Variants in MYO1C observed in about 807,000 individuals in gnomAD.
MYO1C encodes the protein unconventional myosin-Ic.
MYO1C carries 104 observed loss-of-function variants against 150.8 expected under a neutral mutation model. The observed-to-expected ratio is 0.69, with a 90% CI of 0.59 to 0.81. MYO1C has a LOEUF of 0.81. Ranked by LOEUF, MYO1C falls within the 30% of genes least tolerant of loss-of-function variation. MYO1C has a pLI of 0.00. For missense variants in MYO1C, 1,504 were observed against 1,435.0 expected (o/e 1.05, Z -0.78); for synonymous variants, 663 against 579.9 (o/e 1.14, Z -2.06).
chr17:1,477,195 T>TTTA, intron 14 of MYO1C: 12 of 260,600 alleles, frequency 4.6e-5, no homozygotes, highest in South Asian at 1.3e-4. Context: ...TTTTTTTTTT[T>TTTA]GAGACGGAGT....
chr17:1,485,131 C>T, intron 1 of MYO1C: 2 of 1,209,914 alleles, frequency 1.7e-6, no homozygotes, highest in Non-Finnish European at 2.1e-6. Flanking sequence ...CCATGGAAAG[C>T]CCAGCTGCCT....
Position 1,483,677 on chromosome 17 carries a change from G to C in MYO1C, c.280C>G (p.Gln94Glu). 6.2e-7 allele frequency: 1 copy of C among 1,613,242 alleles called. No homozygotes were observed. The highest frequency in any genetic ancestry group is 8.5e-7 in the Non-Finnish European group (1 of 1,179,754). Residue 94 changes from glutamine to glutamate, a missense_variant, in exon 3 of 32, where the codon CAG (glutamine) becomes GAG (glutamate). Gln to Glu is a conservative substitution (Grantham distance 29). Transcript: ENST00000648651. The stretch of plus-strand genomic sequence containing the variant: ...TCCATATGCTGCCGGCTGTAGATCT[G>C]CAGGTCCCGGTAGGGATTGACAGAG... ...LVSVNPYRDL[Q>E]IYSRQHMERY...
rs1225629959 is a variant in MYO1C, at chr17:1,479,385, T to G, written c.1092+46A>C. 1 of 889,320 alleles carries G rather than the reference T, an allele frequency of 1.1e-6. No homozygotes were observed. Among genetic ancestry groups the G allele is most frequent in the African/African-American group, 1.6e-5 (1 of 61,146 alleles). 55.1% of individuals were successfully genotyped at this position (889,320 alleles called of 1,614,324 possible). On this transcript the variant is annotated intron_variant, in intron 9 of 31. Transcript: ENST00000648651. This position sits in a 1 kb window ranked among gnomAD's most constrained non-coding sequence, Gnocchi z 4.2. ...GGAGTGATGGGAGTAGGGGCTGCCT[T>G]GGAACAGCTGCCCCTCCACACCCGA...
Position 1,478,241 on chromosome 17 carries a change from C to A in MYO1C, c.1296-49G>T. The A allele has an allele frequency of 6.3e-7, 1 of 1,588,578 alleles. No homozygotes were observed. Among genetic ancestry groups the A allele is most frequent in the Non-Finnish European group, 8.6e-7 (1 of 1,158,176 alleles). On this transcript the variant is annotated intron_variant, in intron 11 of 31. Transcript: ENST00000648651. This position sits in a 1 kb window ranked among gnomAD's most constrained non-coding sequence, Gnocchi z 6.3. ...CAGTGGCTCAGTGGGGACACAGGAC[C>A]AGGAGAGGGGAAAAGCTGGACGACG... is the stretch of plus-strand genomic sequence containing the variant.
intron 3 of MYO1C, 109 bp from the exon 4 acceptor site, chr17:1,483,168 C>T: frequency 8.9e-7 from 1 of 1,125,222 alleles, no homozygotes; most frequent in Non-Finnish European, 1.3e-6. Flanking sequence ...CGAATACACC[C>T]TTGAGGATGG....
At chr17:1,470,758 G>T (rs756244882) in intron 21 of MYO1C, 69 bp from the exon 22 acceptor site, 3 of 1,484,442 alleles carry the variant, frequency 2.0e-6, no homozygotes, top group South Asian at 1.2e-5. Flanking sequence ...TGCCGTGTGC[G>T]CTCCACGAGT....
Position 1,484,362 on chromosome 17 carries a change from T to A in MYO1C, c.76-59A>T, listed in dbSNP as rs2074606270. The stretch of plus-strand genomic sequence containing the variant: ...TCATCGGGGGCGGGGCAAGGCCACT[T>A]CCCTGCGCCTGTGGGACTGAGAGGG... On this transcript the variant is annotated intron_variant, in intron 1 of 31. Transcript: ENST00000648651. The A allele has an allele frequency of 3.5e-5, 55 of 1,586,802 alleles. 2 individuals are homozygous for A. In the South Asian group the frequency reaches 6.0e-4, roughly 17 times the overall value.
In MYO1C at chr17:1,480,777, C is replaced by A. The variant is rs764604910; in HGVS notation, c.736G>T (p.Gly246Trp). 3.1e-6 allele frequency: 5 copies of A among 1,614,188 alleles called. No individual in the cohort carries two copies. The highest frequency in any genetic ancestry group is 1.1e-5 in the South Asian group (1 of 91,086). ...NFHIFYQLLE[G>W]GEEETLRRLG... is the part of the protein sequence containing the mutation. ...CTGCGAAGAGTCTCCTCCTCGCCCC[C>A]CTCCAGCAGCTGGTAGAAGATGTGG... Residue 246 changes from glycine (G) to tryptophan (W), a missense_variant, in exon 6 of 32, where the codon GGG (glycine) becomes TGG (tryptophan). Gly to Trp is a radical substitution (Grantham distance 184). Transcript: ENST00000648651.
At chr17:1,471,394 C>T in intron 19 of MYO1C, 58 bp from the exon 20 acceptor site, 6 of 1,478,014 alleles carry the variant, frequency 4.1e-6, no homozygotes, top group Non-Finnish European at 4.7e-6. Context: ...CTGGGGACCC[C>T]AATCAGCTTT....
chr17:1,472,402 C>T, intron 17 of MYO1C, 174 bp from the exon 18 acceptor site: 1 of 620,120 alleles, frequency 1.6e-6, no homozygotes, highest in Non-Finnish European at 2.8e-6. Flanking sequence ...CAGACTCCAC[C>T]CCTTACCCCT....
intron 1 of MYO1C, chr17:1,485,381 G>A: frequency 5.5e-6 from 1 of 181,066 alleles, no homozygotes; most frequent in Non-Finnish European, 8.3e-6. Flanking sequence ...CCCCTCCCAG[G>A]CTTGTCCTCA....
intron 4 of MYO1C, 102 bp downstream of exon 4, chr17:1,482,758 TC>T: frequency 2.0e-5 from 1 of 49,972 alleles, no homozygotes; most frequent in South Asian, 1.4e-4. Context: ...TCCCCTCCCC[TC>T]CCACACTAGC....
intron 1 of MYO1C, among the ~76,000 whole-genome samples, 178 bp downstream of exon 1, chr17:1,492,235 T>A (rs923763184): frequency 2.6e-5 from 4 of 152,208 alleles, no homozygotes; most frequent in Admixed American, 1.3e-4. Flanking sequence ...CTGCTGCTAG[T>A]GGCCCTTGCA....
intron 25 of MYO1C, 178 bp downstream of exon 25, chr17:1,469,353 G>GGTAGACTGGGGTAAATAGA: frequency 3.1e-6 from 2 of 652,316 alleles, no homozygotes; most frequent in Non-Finnish European, 5.6e-6. Context: ...GGGTAAATAC[G>GGTAGACTGGGGTAAATAGA]GTAGACTGGG....
At position 1,471,939 on chromosome 17, in the gene MYO1C, G is replaced by A. The variant is rs150850233; in HGVS notation, c.1989C>T (p.Ala663=). The A allele has an allele frequency of 1.1e-4, 185 of 1,614,162 alleles. 1 individual carries two copies. The highest frequency in any genetic ancestry group is 1.5e-4 in the Non-Finnish European group (181 of 1,180,034). The part of the protein sequence containing the change: ...ENLRVRRAGF[A]YRRKYEAFLQ... ...GGAAAGCTTCGTATTTGCGGCGATA[G>A]GCAAAGCCGGCTCTGCGCACGCGCA... The change falls in exon 19 of 32, where the codon GCC becomes GCT. Residue 663 remains alanine (A), a synonymous_variant. Coordinates refer to ENST00000648651, the MANE Select transcript of MYO1C (RefSeq NM_001080779.2).
chr17:1,470,941 C>T lies in MYO1C; in HGVS notation c.2212+130G>A, dbSNP rs530022871. ...CCATTGGACTCTCTGGAGAAGGACT[C>T]CCTGGAGCTGGGCGTGGGGCTGGAG... On this transcript the variant is annotated intron_variant, in intron 21 of 31. Coordinates refer to ENST00000648651, the MANE Select transcript of MYO1C (RefSeq NM_001080779.2). 3 of 1,105,352 alleles carry T rather than the reference C, an allele frequency of 2.7e-6. No homozygotes were observed. The East Asian group carries it at 7.7e-5, about 28-fold the overall frequency. The allele number at this position is 1,105,352 out of a possible 1,614,324, so 68.5% of individuals were successfully genotyped here. A position where few individuals can be genotyped will look rare whatever the true frequency, so the allele number is the denominator to read the frequency against.
At chr17:1,467,400 G>A in intron 30 of MYO1C, 59 bp from the exon 31 acceptor site, 1 of 1,595,152 alleles carries the variant, frequency 6.3e-7, no homozygotes, top group South Asian at 1.1e-5. Context: ...ACCCTAAGGT[G>A]GACCCCCACC....
rs769633849 is a variant in MYO1C at position 1,484,261 on chromosome 17, G to T, written c.118C>A (p.Leu40Ile). ...ACCCCCACCCGGTCACGGGCGGTGAGCGCACTCTCCATGGTCACCCGAACC... is the reference window on the plus strand; with the variant it reads ...ACCCCCACCCGGTCACGGGCGGTGATCGCACTCTCCATGGTCACCCGAACC... ...DGVRVTMESA[L>I]TARDRVGVQD... The change falls in exon 2 of 32, where the codon CTC becomes ATC. Residue 40 changes from leucine to isoleucine, a missense_variant. Leu to Ile is a conservative substitution (Grantham distance 5). Coordinates refer to ENST00000648651, the MANE Select transcript of MYO1C (RefSeq NM_001080779.2). The T allele has an allele frequency of 1.2e-6, 2 of 1,612,216 alleles. No individual in the cohort carries two copies. Among genetic ancestry groups the T allele is most frequent in the Non-Finnish European group, 1.7e-6 (2 of 1,180,004 alleles).
In MYO1C at chr17:1,480,614, G is replaced by T; in HGVS notation, c.819C>A (p.Ala273=). 6.2e-7 allele frequency: 1 copy of T among 1,614,136 alleles called. No homozygotes were observed. Among genetic ancestry groups the T allele is most frequent in the East Asian group, 2.2e-5 (1 of 44,884 alleles). ...TCTTGTCGTTGATGGAGGAGACTTTGGCACACTGGCCCTGGAGGAAGGGCA... is the reference window on the plus strand; with the variant it reads ...TCTTGTCGTTGATGGAGGAGACTTTTGCACACTGGCCCTGGAGGAAGGGCA... ...SYLYLVKGQC[A]KVSSINDKSD... Residue 273 remains alanine, a synonymous_variant, in exon 7 of 32, where the codon GCC becomes GCA. Coordinates refer to ENST00000648651, the MANE Select transcript of MYO1C (RefSeq NM_001080779.2).
Sources: allele counts gnomAD v4.1 joint callset (sites outside exome capture counted in the v4.1 genomes callset), GRCh38; gene constraint gnomAD v4.1.1; non-coding constraint Gnocchi (gnomAD v3.1); transcripts MANE v1.5; gene names NCBI Gene and HGNC (gene_info 2026-07-23, HGNC 2026-07-21).